Variants in IFT27 observed in about 807,000 individuals in gnomAD.
IFT27 encodes the protein intraflagellar transport protein 27 homolog.
Under a neutral mutation model 23.9 loss-of-function variants are expected in IFT27, and 19 were observed. The ratio of observed to expected loss-of-function variants is 0.79; its 90% CI spans 0.55 to 1.16. The LOEUF is 1.16. IFT27 is among the 50% of genes most tolerant of loss of function. The pLI is 0.00. For synonymous variants in IFT27, 91 were observed against 89.1 expected (o/e 1.02, Z -0.12); for missense variants, 206 against 228.7 (o/e 0.90, Z 0.64).
intron 4 of IFT27, among the ~76,000 whole-genome samples, chr22:36,765,869 G>T (rs542613313): frequency 6.6e-6 from 1 of 152,248 alleles, no homozygotes; most frequent in South Asian, 2.1e-4. Flanking sequence ...GGCCTCACAG[G>T]GGGAGGGCTG....
At chr22:36,766,623 TG>T in intron 3 of IFT27, among the ~76,000 whole-genome samples, 1 of 152,326 alleles carries the variant, frequency 6.6e-6, no homozygotes, top group African/African-American at 2.4e-5. Context: ...TGAGTAGGCC[TG>T]GGGAAGGTGT....
At chr22:36,775,534 GTA>G in intron 1 of IFT27, 138 bp downstream of exon 1, 2 of 849,506 alleles carry the variant, frequency 2.4e-6, no homozygotes, top group Non-Finnish European at 4.0e-6. Flanking sequence ...GTAATTTACT[GTA>G]TCAGTAATTG....
chr22:36,758,258 AGCAGAG>A lies in IFT27; in HGVS notation c.*47_*52del. The A allele has an allele frequency of 5.3e-6, 7 of 1,315,326 alleles. No individual in the cohort carries two copies. Among genetic ancestry groups the A allele is most frequent in the Non-Finnish European group, 7.7e-6 (7 of 908,804 alleles). The allele number at this position is 1,315,326 out of a possible 1,614,324, so 81.5% of individuals were successfully genotyped here. The stretch of plus-strand genomic sequence containing the variant: ...TAAAGCCATCATTATATATTAAAAG[AGCAGAG>A]GTAATTCTGTCTTCTCCGGTTGTGC... On this transcript the variant is annotated 3_prime_UTR_variant, in exon 7 of 7. Coordinates refer to ENST00000433985, the MANE Select transcript of IFT27 (RefSeq NM_001177701.3).
intron 1 of IFT27, chr22:36,772,772 G>C: frequency 2.0e-6 from 2 of 984,982 alleles, no homozygotes; most frequent in Non-Finnish European, 2.4e-6. Flanking sequence ...TCAATGACCA[G>C]TTATGTGAGA....
At chr22:36,773,438 C>T (rs556691600) in intron 1 of IFT27, among the ~76,000 whole-genome samples, 2 of 151,486 alleles carry the variant, frequency 1.3e-5, no homozygotes, top group Admixed American at 6.6e-5. Context: ...GATCACCTGA[C>T]GTCAGGAGTT....
intron 1 of IFT27, among the ~76,000 whole-genome samples, chr22:36,770,413 C>T (rs5756339): frequency 0.76 from 115,448 of 151,878 alleles, 44,305 homozygotes; most frequent in Middle Eastern, 0.91. Context: ...CTGTCATCGG[C>T]GGCGCTCTGC....
intron 4 of IFT27, 140 bp downstream of exon 4, chr22:36,765,998 G>T: frequency 2.7e-6 from 2 of 748,858 alleles, no homozygotes; most frequent in Non-Finnish European, 4.8e-6. Flanking sequence ...TCCTGGGCTG[G>T]GAGGAATGCC....
intron 3 of IFT27, chr22:36,766,410 T>C: frequency 1.8e-6 from 1 of 557,342 alleles, no homozygotes; most frequent in Non-Finnish European, 3.2e-6. Context: ...CGACGGGTTC[T>C]CGCACCAACC....
intron 6 of IFT27, chr22:36,762,640 GA>G (rs1938120236): frequency 3.0e-6 from 1 of 335,098 alleles, no homozygotes; most frequent in Admixed American, 4.9e-5. Flanking sequence ...CGAGGGTCAT[GA>G]TCACCGCACA....
chr22:36,764,745 G>A (rs1441879854), intron 4 of IFT27, among the ~76,000 whole-genome samples: 1 of 152,216 alleles, frequency 6.6e-6, no homozygotes, highest in Non-Finnish European at 1.5e-5. Context: ...TAAGAGCCAA[G>A]GCTACACTCT....
intron 3 of IFT27, among the ~76,000 whole-genome samples, chr22:36,766,630 G>A (rs1389918470): frequency 6.6e-6 from 1 of 152,186 alleles, no homozygotes; most frequent in African/African-American, 2.4e-5. Context: ...GCCTGGGGAA[G>A]GTGTTTAAAG....
intron 3 of IFT27, 117 bp from the exon 4 acceptor site, chr22:36,766,314 T>C: frequency 1.3e-6 from 1 of 779,638 alleles, no homozygotes; most frequent in Non-Finnish European, 2.2e-6. Flanking sequence ...GGCACCCACA[T>C]CTTCACACAT....
intron 1 of IFT27, among the ~76,000 whole-genome samples, chr22:36,769,551 C>T (rs1938346259): frequency 6.6e-6 from 1 of 152,156 alleles, no homozygotes; most frequent in East Asian, 1.9e-4. Context: ...GACGGGGTTT[C>T]ACCAGGTTGG....
intron 5 of IFT27, chr22:36,763,326 C>T (rs1601493836): frequency 3.4e-6 from 1 of 290,498 alleles, no homozygotes; most frequent in Non-Finnish European, 6.4e-6. Flanking sequence ...TTTATGTGAG[C>T]CTTTGTAATA....
At chr22:36,761,979 G>A (rs1390777318) in intron 6 of IFT27, 5 of 152,322 alleles carry the variant, frequency 3.3e-5, no homozygotes, top group South Asian at 2.1e-4. Flanking sequence ...TCCAAGTTAC[G>A]ACCATGACTG....
At position 36,762,940 on chromosome 22, in the gene IFT27, C is replaced by T. The variant is rs574724394; in HGVS notation, c.426G>A (p.Ala142=). 1.5e-4 allele frequency: 244 copies of T among 1,594,148 alleles called. 1 individual carries two copies. In the South Asian group the frequency reaches 2.2e-3, roughly 15 times the overall value. Residue 142 remains alanine (A), a synonymous_variant, in exon 6 of 7, where the codon GCG becomes GCA. Transcript: ENST00000433985. ...AVDSAEARAW[A]LGQGLECFET... ...CAAAACATTCCAGGCCCTGGCCCAG[C>T]GCCCATGCCCGGGCCTCAGCTGAGT... is the stretch of plus-strand genomic sequence containing the variant.
chr22:36,764,166 C>T (rs1488663033), intron 4 of IFT27, 130 bp from the exon 5 acceptor site: 4 of 690,944 alleles, frequency 5.8e-6, no homozygotes, highest in East Asian at 5.0e-5. Context: ...AACAGCCACA[C>T]CCCCAGATGT....
intron 6 of IFT27, chr22:36,760,867 G>A (rs1488394607): frequency 6.0e-6 from 1 of 167,162 alleles, no homozygotes; most frequent in Non-Finnish European, 1.5e-5. Flanking sequence ...GATCAGCGCG[G>A]ATTGTTCTTG....
intron 1 of IFT27, among the ~76,000 whole-genome samples, chr22:36,775,228 G>C (rs948453025): frequency 6.8e-6 from 1 of 146,586 alleles, no homozygotes; most frequent in Admixed American, 6.9e-5. Flanking sequence ...ACTACACTCA[G>C]GTCACCGTTA....
Sources: allele counts gnomAD v4.1 joint callset (sites outside exome capture counted in the v4.1 genomes callset), GRCh38; gene constraint gnomAD v4.1.1; transcripts MANE v1.5; gene names NCBI Gene and HGNC (gene_info 2026-07-23, HGNC 2026-07-21).